The following PILRB variants were observed in gnomAD, a reference collection of about 807,000 sequenced individuals.
The protein encoded by PILRB is paired immunoglobulin-like type 2 receptor beta.
A neutral mutation model predicts 20.5 loss-of-function variants in PILRB; 21 were observed. That is an observed-to-expected ratio of 1.02 (90% confidence interval 0.72 to 1.47). PILRB has a LOEUF of 1.47. PILRB is among the 40% of genes most tolerant of loss of function. The pLI is 0.00. For missense variants in PILRB, 253 were observed against 272.1 expected, an observed-to-expected ratio of 0.93 and a Z score of 0.49; for synonymous variants, 133 against 115.1, an observed-to-expected ratio of 1.16 and a Z score of -0.99.
At chr7:100,364,787 C>T (rs1251802657) in intron 3 of PILRB, among the ~76,000 whole-genome samples, 4 of 152,122 alleles carry the variant, frequency 2.6e-5, no homozygotes, top group African/African-American at 7.2e-5. Flanking sequence ...ATACCCCAAA[C>T]GTAGAATCAA....
In PILRB at chr7:100,358,187, G is replaced by T; in HGVS notation, c.-116G>T. On this transcript the variant is annotated 5_prime_UTR_variant, in exon 1 of 4. Transcript: ENST00000609309. ...TCCCCGGCCCCCACAGCCCTCTGGG[G>T]AGCCTCACCCTGGCTCTCCCCACTC... The T allele has an allele frequency of 8.2e-7, 1 of 1,220,728 alleles. No individual in the cohort carries two copies. Among genetic ancestry groups the T allele is most frequent in the Middle Eastern group, 2.8e-4 (1 of 3,630 alleles). The allele number at this position is 1,220,728 out of a possible 1,614,324, so 75.6% of individuals were successfully genotyped here. A position where few individuals can be genotyped will look rare whatever the true frequency, so the allele number is the denominator to read the frequency against.
rs1563111516 is a variant in PILRB, at chr7:100,367,382, C to CA, written c.*6dup. ...GCGCCAAGCAGTGACTTCTGACCAACAGAGTGTGGGGAGAAGGGATGTGTA... is the reference window on the plus strand; with the variant it reads ...GCGCCAAGCAGTGACTTCTGACCAACAAGAGTGTGGGGAGAAGGGATGTGTA... On this transcript the variant is annotated 3_prime_UTR_variant, in exon 4 of 4. Transcript: ENST00000609309. 3 of 780,994 alleles carry CA rather than the reference C, an allele frequency of 3.8e-6. No individual in the cohort carries two copies. The highest frequency in any genetic ancestry group is 2.3e-4 in the Middle Eastern group (1 of 4,438). 48.4% of individuals were successfully genotyped at this position (780,994 alleles called of 1,614,324 possible). A position where few individuals can be genotyped will look rare whatever the true frequency, so the allele number is the denominator to read the frequency against.
chr7:100,358,439 A>G (rs915870352), intron 1 of PILRB, 73 bp downstream of exon 1: 8 of 1,559,314 alleles, frequency 5.1e-6, no homozygotes, highest in Middle Eastern at 1.7e-4. Flanking sequence ...ACAAAGGCAG[A>G]ACATCTGGGG....
chr7:100,365,233 CAG>C (rs1386634195), intron 3 of PILRB, among the ~76,000 whole-genome samples: 2 of 152,168 alleles, frequency 1.3e-5, no homozygotes, highest in African/African-American at 2.4e-5. Flanking sequence ...CTCCTGACCT[CAG>C]GGGATCCACC....
chr7:100,358,350 A>G lies in PILRB; in HGVS notation c.48A>G (p.Pro16=). Residue 16 remains proline, a synonymous_variant, in exon 1 of 4, where the codon CCA becomes CCG. Coordinates refer to ENST00000609309, the MANE Select transcript of PILRB (RefSeq NM_178238.4). ...CCCTGCTGCTCCTGCTGCAGCCGCC[A>G]GCATTTCTGCAGCCTGGTGAGTACC... is the stretch of plus-strand genomic sequence containing the variant. ...LLPLLLLLQP[P]AFLQPGGSTG... The G allele has an allele frequency of 6.2e-7, 1 of 1,612,756 alleles. No homozygotes were observed. The highest frequency in any genetic ancestry group is 2.2e-5 in the East Asian group (1 of 44,880).
At chr7:100,364,185 CAAAT>C (rs1319246513) in intron 3 of PILRB, among the ~76,000 whole-genome samples, 2 of 151,826 alleles carry the variant, frequency 1.3e-5, no homozygotes, top group Non-Finnish European at 2.9e-5. Flanking sequence ...CATAGATAGT[CAAAT>C]GATCCTCAAC....
At position 100,358,192 on chromosome 7, in the gene PILRB, T is replaced by TCA. The variant is rs765916883; in HGVS notation, c.-109_-108dup. The TCA allele has an allele frequency of 7.7e-7, 1 of 1,303,266 alleles. No homozygotes were observed. The highest frequency in any genetic ancestry group is 1.1e-6 in the Non-Finnish European group (1 of 912,882). The allele number at this position is 1,303,266 out of a possible 1,614,324, so 80.7% of individuals were successfully genotyped here. On this transcript the variant is annotated 5_prime_UTR_variant, in exon 1 of 4. Coordinates refer to ENST00000609309, the MANE Select transcript of PILRB (RefSeq NM_178238.4). ...GGCCCCCACAGCCCTCTGGGGAGCCTCACCCTGGCTCTCCCCACTCACCTC... is the reference window on the plus strand; with the variant it reads ...GGCCCCCACAGCCCTCTGGGGAGCCTCACACCCTGGCTCTCCCCACTCACCTC...
At chr7:100,364,565 G>A (rs955657204) in intron 3 of PILRB, among the ~76,000 whole-genome samples, 2 of 152,184 alleles carry the variant, frequency 1.3e-5, no homozygotes, top group Non-Finnish European at 2.9e-5. Context: ...TAGATCAACT[G>A]GAAATCTTAG....
rs777791118 is a variant in PILRB, at chr7:100,367,421, A to G, written c.*44A>G. 5 of 779,892 alleles carry G rather than the reference A, an allele frequency of 6.4e-6. No individual in the cohort carries two copies. In the African/African-American group the frequency reaches 6.8e-5, roughly 11 times the overall value. The allele number at this position is 779,892 out of a possible 1,614,324, so 48.3% of individuals were successfully genotyped here. A position where few individuals can be genotyped will look rare whatever the true frequency, so the allele number is the denominator to read the frequency against. On this transcript the variant is annotated 3_prime_UTR_variant, in exon 4 of 4. Transcript: ENST00000609309. ...AAGGGATGTGTATTAGCCCCGGAGG[A>G]CGTGATGTGAGACCCGCTTGTGAGT...
Position 100,362,756 on chromosome 7 carries a change from A to G in PILRB, c.655+3219A>G, listed in dbSNP as rs1402759835. The stretch of plus-strand genomic sequence containing the variant: ...ACTCCCGACCTCAAGTGATCCGCCC[A>G]CCTTGGCCTCCCAAAGTGCTGGCAT... On this transcript the variant is annotated intron_variant, in intron 3 of 3. Coordinates refer to ENST00000609309, the MANE Select transcript of PILRB (RefSeq NM_178238.4). Among the ~76,000 whole-genome samples the G allele has an allele frequency of 2.6e-5, 4 of 152,086 alleles. No individual in the cohort carries two copies. The East Asian group carries it at 7.7e-4, about 29-fold the overall frequency.
intron 3 of PILRB, among the ~76,000 whole-genome samples, chr7:100,364,783 C>G (rs1335585381): frequency 6.6e-6 from 1 of 152,080 alleles, no homozygotes; most frequent in Non-Finnish European, 1.5e-5. Flanking sequence ...CAAAATACCC[C>G]AAACGTAGAA....
chr7:100,366,459 G>A (rs891879592), intron 3 of PILRB, among the ~76,000 whole-genome samples: 8 of 152,152 alleles, frequency 5.3e-5, no homozygotes, highest in African/African-American at 1.9e-4. Flanking sequence ...GCTGGATGGT[G>A]GAGGGGATGT....
At chr7:100,361,680 G>A (rs538468138) in intron 3 of PILRB, among the ~76,000 whole-genome samples, 12 of 152,124 alleles carry the variant, frequency 7.9e-5, no homozygotes, top group East Asian at 1.9e-4. Context: ...CTGATAGAGC[G>A]AGACTCCATC....
chr7:100,359,938 G>T (rs570624719), intron 3 of PILRB, among the ~76,000 whole-genome samples: 2 of 152,272 alleles, frequency 1.3e-5, no homozygotes, highest in South Asian at 2.1e-4. Flanking sequence ...CAGGAGAATC[G>T]CTTGAACCCG....
At position 100,367,560 on chromosome 7, in the gene PILRB, A is replaced by G. The variant is rs972085863; in HGVS notation, c.*183A>G. On this transcript the variant is annotated 3_prime_UTR_variant, in exon 4 of 4. Transcript: ENST00000609309. ...GTCCCTGAATCACCGACTGGAGGAG[A>G]GTTACCTACAAGAGCCTTCATCCAG... The G allele has an allele frequency of 4.9e-6, 3 of 612,576 alleles. No individual in the cohort carries two copies. The highest frequency in any genetic ancestry group is 1.8e-5 in the African/African-American group (1 of 54,182). The allele number at this position is 612,576 out of a possible 1,614,324, so 37.9% of individuals were successfully genotyped here.
At chr7:100,366,868 G>C (rs922028941) in intron 3 of PILRB, among the ~76,000 whole-genome samples, 18 of 152,134 alleles carry the variant, frequency 1.2e-4, no homozygotes, top group African/African-American at 1.9e-4. Context: ...AGGTTTTGCG[G>C]GGGCGGTTTC....
chr7:100,363,861 C>T (rs147021647), intron 3 of PILRB, among the ~76,000 whole-genome samples: 124 of 152,264 alleles, frequency 8.1e-4, no homozygotes, highest in African/African-American at 2.9e-3. Context: ...GTAATCCCAG[C>T]ACTTTGGGAG....
intron 3 of PILRB, among the ~76,000 whole-genome samples, chr7:100,364,405 G>A (rs1563110397): frequency 6.6e-6 from 1 of 152,174 alleles, no homozygotes; most frequent in Non-Finnish European, 1.5e-5. Context: ...AGACAAGATG[G>A]TGGGTCCTTG....
At chr7:100,363,606 A>G (rs778650465) in intron 3 of PILRB, among the ~76,000 whole-genome samples, 1 of 152,214 alleles carries the variant, frequency 6.6e-6, no homozygotes, top group East Asian at 1.9e-4. Flanking sequence ...GCCACCAACA[A>G]CAATCTCCAG....
Sources: allele counts gnomAD v4.1 joint callset (sites outside exome capture counted in the v4.1 genomes callset), GRCh38; gene constraint gnomAD v4.1.1; transcripts MANE v1.5; gene names NCBI Gene and HGNC (gene_info 2026-07-23, HGNC 2026-07-21).